The following LYST variants were observed in gnomAD, a reference collection of about 807,000 sequenced individuals.
The protein encoded by LYST is lysosomal trafficking regulator.
LYST carries 192 observed loss-of-function variants against 413.6 expected under a neutral mutation model. The observed-to-expected ratio is 0.46, with a 90% CI of 0.41 to 0.52. LYST has a LOEUF of 0.52. Ranked by LOEUF, LYST falls within the 20% of genes least tolerant of loss-of-function variation. LYST has a pLI of 0.00. For synonymous variants in LYST, 1,525 were observed against 1,567.3 expected, an observed-to-expected ratio of 0.97 and a Z score of 0.64; for missense variants, 3,815 against 4,499.9, an observed-to-expected ratio of 0.85 and a Z score of 4.35.
At chr1:235,821,210 G>T (rs574321213) in intron 3 of LYST, among the ~76,000 whole-genome samples, 77 of 152,178 alleles carry the variant, frequency 5.1e-4, no homozygotes, top group Non-Finnish European at 7.3e-4. Flanking sequence ...GGCCAAGGGG[G>T]GTGGTTGCTT....
intron 26 of LYST, among the ~76,000 whole-genome samples, chr1:235,752,462 CTA>C (rs1253344125): frequency 1.3e-5 from 2 of 152,048 alleles, no homozygotes; most frequent in African/African-American, 4.8e-5. Flanking sequence ...AAGTGTAACA[CTA>C]GAGATTAATA....
At chr1:235,743,954 T>C (rs1178058939) in intron 30 of LYST, 25 bp downstream of exon 30, 1 of 1,194,636 alleles carries the variant, frequency 8.4e-7, no homozygotes, top group South Asian at 1.2e-5. Flanking sequence ...TGAATGAACA[T>C]TTCCCATGTA....
rs974011268 is a variant in LYST at position 235,671,469 on chromosome 1, C to T, written c.11038+5622G>A. Among the ~76,000 whole-genome samples, 4 of 152,128 alleles carry T rather than the reference C, an allele frequency of 2.6e-5. 1 individual carries two copies. The highest frequency in any genetic ancestry group is 9.7e-5 in the African/African-American group (4 of 41,434). The stretch of plus-strand genomic sequence containing the variant: ...ATTTGTATATGTTGAATCATCTTTA[C>T]ATCCCAGGATGAATCCCACTGGGAC... On this transcript the variant is annotated intron_variant, in intron 50 of 52. Transcript: ENST00000389793.
chr1:235,729,571 C>T, intron 37 of LYST, 25 bp downstream of exon 37: 3 of 1,543,164 alleles, frequency 1.9e-6, no homozygotes, highest in Non-Finnish European at 2.7e-6. Context: ...TGAATATGTG[C>T]AAAATTCTTC....
At chr1:235,794,791 C>T (rs950206813) in intron 10 of LYST, among the ~76,000 whole-genome samples, 1 of 152,082 alleles carries the variant, frequency 6.6e-6, no homozygotes, top group Non-Finnish European at 1.5e-5. Context: ...TAACATGAAT[C>T]CATTAAAGGT....
chr1:235,808,370 A>C (rs370740776), intron 5 of LYST, 85 bp downstream of exon 5: 22 of 1,267,184 alleles, frequency 1.7e-5, no homozygotes, highest in Non-Finnish European at 2.5e-5. Context: ...CATACAATTT[A>C]TCACTCACTT....
Position 235,741,474 on chromosome 1 carries a change from T to G in LYST, c.8306A>C (p.His2769Pro). ...QERKQIFEIV[H>P]EPNHQEILRD... ...TAGTATTTCCTGATGATTTGGTTCA[T>G]GAACTATTTCAAAAATTTGCTTTCT... Residue 2769 changes from histidine (H) to proline (P), a missense_variant, in exon 31 of 53, where the codon CAT (histidine) becomes CCT (proline). Physicochemically the swap from His to Pro is moderately conservative, Grantham distance 77. Transcript: ENST00000389793. 6.2e-7 allele frequency: 1 copy of G among 1,614,192 alleles called. No individual in the cohort carries two copies. Among genetic ancestry groups the G allele is most frequent in the Non-Finnish European group, 8.5e-7 (1 of 1,180,016 alleles).
At chr1:235,734,020 T>A (rs1664609791) in intron 32 of LYST, 114 bp from the exon 33 acceptor site, 1 of 578,214 alleles carries the variant, frequency 1.7e-6, no homozygotes, top group African/African-American at 1.9e-5. Context: ...AAAACAATTG[T>A]CCCTAGGAGA....
chr1:235,808,706 G>C lies in LYST; in HGVS notation c.2112C>G (p.Asp704Glu). 1 of 1,613,872 alleles carries C rather than the reference G, an allele frequency of 6.2e-7. No individual in the cohort carries two copies. The highest frequency in any genetic ancestry group is 1.6e-4 in the Middle Eastern group (1 of 6,062). Residue 704 changes from aspartate (D) to glutamate (E), a missense_variant, in exon 5 of 53, where the codon GAC becomes GAG. Around this residue, in one of 4 missense-constraint regions of LYST, gnomAD observed 1,648 missense variants for 1,810.3 expected, o/e 0.91. Transcript: ENST00000389793. ...KAYQNFVFEE[D>E]RLHSIQIANH... is the part of the protein sequence containing the mutation. ...TTGCAATCTGTATACTATGTAATCT[G>C]TCTTCTTCAAAAACAAAGTTCTGAT...
At chr1:235,683,098 T>A (rs1452825165) in intron 48 of LYST, among the ~76,000 whole-genome samples, 2 of 152,212 alleles carry the variant, frequency 1.3e-5, no homozygotes, top group African/African-American at 4.8e-5. Flanking sequence ...GAGTAACAGT[T>A]ATGGGTAAAC....
rs1292631310 is a variant in LYST at position 235,741,448 on chromosome 1, G to A, written c.8332C>T (p.Arg2778Ter). 1.2e-6 allele frequency: 2 copies of A among 1,613,928 alleles called. No individual in the cohort carries two copies. The highest frequency in any genetic ancestry group is 1.7e-6 in the Non-Finnish European group (2 of 1,179,896). ...TGTAGGGATGGGCTGAGACAGTCTC[G>A]TAGTATTTCCTGATGATTTGGTTCA... ...VHEPNHQEIL[R>*]DCLSPSLQHG... The change falls in exon 31 of 53, where the codon CGA becomes TGA. Residue 2778 changes from arginine (R) to a stop codon, truncating the protein, a stop_gained. Coordinates refer to ENST00000389793, the MANE Select transcript of LYST (RefSeq NM_000081.4). LOFTEE classifies it high-confidence loss of function.
At chr1:235,702,117 A>G (rs1198964430) in intron 45 of LYST, among the ~76,000 whole-genome samples, 2 of 152,230 alleles carry the variant, frequency 1.3e-5, no homozygotes, top group Non-Finnish European at 2.9e-5. Flanking sequence ...AGTGCTTACA[A>G]TTCACATTCT....
chr1:235,761,785 C>T (rs10926588), intron 22 of LYST, among the ~76,000 whole-genome samples: 47 of 150,512 alleles, frequency 3.1e-4, no homozygotes, highest in African/African-American at 1.1e-3. Context: ...CAAAAAAAAA[C>T]CAGAAAGATG....
chr1:235,761,095 T>A (rs1043145178), intron 22 of LYST, among the ~76,000 whole-genome samples: 2 of 152,032 alleles, frequency 1.3e-5, no homozygotes, highest in African/African-American at 2.4e-5. Flanking sequence ...CTCATTTATT[T>A]AAAAAAAATT....
intron 4 of LYST, among the ~76,000 whole-genome samples, chr1:235,811,018 G>A (rs542394470): frequency 3.7e-4 from 56 of 152,076 alleles, no homozygotes; most frequent in Non-Finnish European, 6.5e-4. Flanking sequence ...GGTGGTGCAC[G>A]CCTGTAATCC....
At chr1:235,770,013 T>C in intron 20 of LYST, 147 bp downstream of exon 20, 1 of 704,444 alleles carries the variant, frequency 1.4e-6, no homozygotes, top group South Asian at 1.8e-5. Context: ...ACTCCTGTAC[T>C]ATTTTTTGAA....
At chr1:235,838,910 T>C (rs1335445395) in intron 1 of LYST, among the ~76,000 whole-genome samples, 1 of 152,120 alleles carries the variant, frequency 6.6e-6, no homozygotes, top group East Asian at 1.9e-4. Context: ...ATTGGGTCCA[T>C]TTGTTGGTAA....
Position 235,693,234 on chromosome 1 carries a change from G to A in LYST, c.10701+116C>T, listed in dbSNP as rs1004282266. 36 of 608,776 alleles carry A rather than the reference G, an allele frequency of 5.9e-5. 1 individual carries two copies. Among genetic ancestry groups the A allele is most frequent in the African/African-American group, 4.2e-4 (7 of 16,788 alleles). 37.7% of individuals were successfully genotyped at this position (608,776 alleles called of 1,614,324 possible). A position where few individuals can be genotyped will look rare whatever the true frequency, so the allele number is the denominator to read the frequency against. ...TGGGAGGCTGAGGCAGGAGAATGGC[G>A]TGAGCCGGGAGGTGGAGCTTGCAGT... is the stretch of plus-strand genomic sequence containing the variant. On this transcript the variant is annotated intron_variant, in intron 47 of 52. Coordinates refer to ENST00000389793, the MANE Select transcript of LYST (RefSeq NM_000081.4).
In LYST at chr1:235,809,410, T is replaced by C; in HGVS notation, c.1408A>G (p.Lys470Glu). The part of the protein sequence containing the change: ...GVPPEASEHL[K>E]ALINSVMKIM... ...TTCATCACACTATTTATTAGGGCTT[T>C]CAAATGCTCTGAGGCCTCGGGAGGA... Residue 470 changes from lysine to glutamate, a missense_variant, in exon 5 of 53, where the codon AAA becomes GAA. Physicochemically the swap from Lys to Glu is moderately conservative, Grantham distance 56 (BLOSUM62 1). Around this residue, in one of 4 missense-constraint regions of LYST, gnomAD observed 1,648 missense variants for 1,810.3 expected, o/e 0.91. Transcript: ENST00000389793. The surrounding 1 kb of genome is among the most constrained non-coding windows in gnomAD (Gnocchi z 4.0). 6.2e-7 allele frequency: 1 copy of C among 1,614,006 alleles called. No individual in the cohort carries two copies. Among genetic ancestry groups the C allele is most frequent in the Non-Finnish European group, 8.5e-7 (1 of 1,179,996 alleles).
Sources: gnomAD v4.1 joint callset for allele counts (sites outside exome capture counted in the v4.1 genomes callset) on GRCh38, gnomAD v4.1.1 for gene constraint, gnomAD v4.1.1 regional missense constraint, Gnocchi (gnomAD v3.1) non-coding constraint, MANE v1.5 for transcripts, NCBI Gene and HGNC (gene_info 2026-07-23, HGNC 2026-07-21) for gene names.